The following ROBO2 variants were observed in gnomAD, a reference collection of about 807,000 sequenced individuals.
The protein encoded by ROBO2 is roundabout homolog 2.
Under a neutral mutation model 160.8 loss-of-function variants are expected in ROBO2, and 53 were observed. The observed-to-expected ratio is 0.33, with a 90% CI of 0.26 to 0.41. ROBO2 has a LOEUF of 0.41. Among genes scored for constraint, ROBO2 ranks in the 10% least tolerant of loss-of-function variants. The probability of loss-of-function intolerance (pLI) is 1.00; values close to 1 mark genes in which losing one functional copy is unlikely to be tolerated. For synonymous variants in ROBO2, 664 were observed against 611.7 expected, an observed-to-expected ratio of 1.09 and a Z score of -1.26; for missense variants, 1,577 against 1,722.4, an observed-to-expected ratio of 0.92 and a Z score of 1.49.
intron 2 of ROBO2, among the ~76,000 whole-genome samples, chr3:76,383,503 A>G (rs370556445): frequency 6.6e-6 from 1 of 152,332 alleles, no homozygotes; most frequent in East Asian, 1.9e-4. Context: ...TTTAATTTAG[A>G]ATTCAAAAAC....
chr3:76,995,113 C>CA (rs397874838), intron 2 of ROBO2, among the ~76,000 whole-genome samples: 2 of 149,406 alleles, frequency 1.3e-5, no homozygotes, highest in Admixed American at 1.3e-4. Context: ...CCCCCACCCC[C>CA]AACAGGCCCC....
chr3:76,529,635 A>G (rs2082121496), intron 2 of ROBO2, among the ~76,000 whole-genome samples: 1 of 152,130 alleles, frequency 6.6e-6, no homozygotes, highest in African/African-American at 2.4e-5. Context: ...TTATAATTAA[A>G]ATTATTTTCT....
At chr3:77,400,511 A>G (rs914445805) in intron 2 of ROBO2, among the ~76,000 whole-genome samples, 7 of 152,220 alleles carry the variant, frequency 4.6e-5, no homozygotes, top group Non-Finnish European at 1.0e-4. Context: ...TTTAGACATT[A>G]GAAATTATCC....
At chr3:76,823,979 T>C (rs62261807) in intron 2 of ROBO2, among the ~76,000 whole-genome samples, 19,146 of 152,104 alleles carry the variant, frequency 0.13, 1,329 homozygotes, top group East Asian at 0.24. Flanking sequence ...GTAAAACAGG[T>C]CGGAGGTGAG....
At chr3:76,761,303 T>C (rs2061292397) in intron 2 of ROBO2, among the ~76,000 whole-genome samples, 1 of 151,768 alleles carries the variant, frequency 6.6e-6, no homozygotes, top group South Asian at 2.1e-4. Context: ...GGCTCAGCTC[T>C]GTTTCTCTCA....
intron 2 of ROBO2, among the ~76,000 whole-genome samples, chr3:76,398,477 A>G (rs1382657748): frequency 6.6e-6 from 1 of 151,894 alleles, no homozygotes; most frequent in Non-Finnish European, 1.5e-5. Flanking sequence ...AAGTATAATA[A>G]TAATAAAAGA....
chr3:77,344,701 A>G (rs1313635534), intron 2 of ROBO2, among the ~76,000 whole-genome samples: 1 of 152,158 alleles, frequency 6.6e-6, no homozygotes, highest in Non-Finnish European at 1.5e-5. Flanking sequence ...GAAACAGAAG[A>G]TAAAAAATAG....
chr3:77,222,207 GAA>G (rs1470999070), intron 2 of ROBO2, among the ~76,000 whole-genome samples: 2 of 152,214 alleles, frequency 1.3e-5, no homozygotes, highest in East Asian at 3.9e-4. Context: ...GCACTAGGTG[GAA>G]AAGAGATGTT....
At chr3:77,104,194 C>T (rs925935511) in intron 2 of ROBO2, among the ~76,000 whole-genome samples, 4 of 152,084 alleles carry the variant, frequency 2.6e-5, no homozygotes, top group Non-Finnish European at 5.9e-5. Context: ...AAACTCTATA[C>T]CCATTAGAAC....
intron 2 of ROBO2, among the ~76,000 whole-genome samples, chr3:76,867,863 A>T (rs2071541769): frequency 6.6e-6 from 1 of 152,202 alleles, no homozygotes; most frequent in South Asian, 2.1e-4. Flanking sequence ...TCGATGTGGC[A>T]GCAGGGTTAC....
intron 6 of ROBO2, among the ~76,000 whole-genome samples, chr3:77,544,638 C>T (rs773632654): frequency 6.6e-6 from 1 of 152,044 alleles, no homozygotes; most frequent in Admixed American, 6.6e-5. Flanking sequence ...TACGTTTACC[C>T]CATTCTTGGA....
intron 2 of ROBO2, among the ~76,000 whole-genome samples, chr3:77,411,684 ATATGTATATTTATGCATATTAGCT>A (rs2076815586): frequency 6.6e-6 from 1 of 152,218 alleles, no homozygotes; most frequent in African/African-American, 2.4e-5. Flanking sequence ...ATACACATGT[ATATGTATATTTATGCATATTAGCT>A]TATATGTGTG....
chr3:76,504,871 G>A (rs964526922), intron 2 of ROBO2, among the ~76,000 whole-genome samples: 7 of 152,040 alleles, frequency 4.6e-5, no homozygotes, highest in Admixed American at 1.3e-4. Context: ...AGGTCTAGCC[G>A]CTAGCGTTAG....
intron 2 of ROBO2, among the ~76,000 whole-genome samples, chr3:76,037,009 CT>C (rs2067131148): frequency 6.6e-6 from 1 of 151,918 alleles, no homozygotes; most frequent in South Asian, 2.1e-4. Flanking sequence ...TTGCCATCCT[CT>C]TTGTTGTCTT....
intron 2 of ROBO2, among the ~76,000 whole-genome samples, chr3:77,181,848 T>C (rs1187657189): frequency 6.6e-6 from 1 of 152,080 alleles, no homozygotes; most frequent in Non-Finnish European, 1.5e-5. Context: ...TAACATATTT[T>C]TGCACCAAGT....
chr3:77,301,313 T>C (rs142145639), intron 2 of ROBO2, among the ~76,000 whole-genome samples: 75 of 152,250 alleles, frequency 4.9e-4, no homozygotes, highest in African/African-American at 1.7e-3. Flanking sequence ...TCAGAATAAT[T>C]ATTCTGGGGG....
chr3:76,486,790 C>T (rs1418926618), intron 2 of ROBO2, among the ~76,000 whole-genome samples: 1 of 152,084 alleles, frequency 6.6e-6, no homozygotes, highest in East Asian at 1.9e-4. Flanking sequence ...TCTTTCTCTC[C>T]ATTGTCATGT....
intron 2 of ROBO2, among the ~76,000 whole-genome samples, chr3:76,512,285 A>C (rs984684195): frequency 8.1e-5 from 12 of 147,976 alleles, no homozygotes; most frequent in Non-Finnish European, 1.0e-4. Flanking sequence ...TATATATGGA[A>C]TAAATGGACT....
chr3:77,126,611 A>C (rs2075332322), intron 2 of ROBO2, among the ~76,000 whole-genome samples: 1 of 152,030 alleles, frequency 6.6e-6, no homozygotes, highest in Admixed American at 6.5e-5. Flanking sequence ...CCAATAGTTT[A>C]AAGTCAGGCT....
Sources: gnomAD v4.1 joint callset for allele counts (sites outside exome capture counted in the v4.1 genomes callset) on GRCh38, gnomAD v4.1.1 for gene constraint, MANE v1.5 for transcripts, NCBI Gene and HGNC (gene_info 2026-07-23, HGNC 2026-07-21) for gene names.